C10orf53: variants seen among roughly 807,000 people sequenced by gnomAD.
C10orf53 encodes the protein UPF0728 protein C10orf53.
C10orf53 carries 8 observed loss-of-function variants against 9.4 expected under a neutral mutation model. The observed-to-expected ratio is 0.85, with a 90% CI of 0.50 to 1.53. C10orf53 has a LOEUF of 1.53. Among genes scored for constraint, C10orf53 ranks in the 40% most tolerant of loss-of-function variants. C10orf53 has a pLI of 0.00. For synonymous variants in C10orf53, 48 were observed against 46.0 expected, an observed-to-expected ratio of 1.04 and a Z score of -0.18; for missense variants, 117 against 117.8, an observed-to-expected ratio of 0.99 and a Z score of 0.03.
chr10:49,686,803 C>T (rs904140505), intron 1 of C10orf53, among the ~76,000 whole-genome samples: 4 of 152,158 alleles, frequency 2.6e-5, no homozygotes, highest in African/African-American at 4.8e-5. Flanking sequence ...GAGTGCACAG[C>T]GGGACATAGA....
exon 3 of C10orf53, chr10:49,708,686 A>AGG: frequency 6.4e-7 from 1 of 1,573,650 alleles, no homozygotes; most frequent in Non-Finnish European, 8.6e-7. Flanking sequence ...TGTTTCCAGA[A>AGG]TAAGGGTGAA....
At chr10:49,701,547 G>T (rs147903504), downstream of C10orf53, among the ~76,000 whole-genome samples, 781 of 152,182 alleles carry the variant, frequency 5.1e-3, 8 homozygotes, top group African/African-American at 0.017. Flanking sequence ...ACACAATCAG[G>T]GTACCCCAAA....
At chr10:49,700,234 G>A (rs1382371536), downstream of C10orf53, among the ~76,000 whole-genome samples, 1 of 152,226 alleles carries the variant, frequency 6.6e-6, no homozygotes, top group Non-Finnish European at 1.5e-5. Flanking sequence ...GATTTAATGG[G>A]TCTGGGAGGG....
intron 1 of C10orf53, among the ~76,000 whole-genome samples, chr10:49,691,384 G>C (rs1271927315): frequency 6.6e-6 from 1 of 152,226 alleles, no homozygotes; most frequent in Non-Finnish European, 1.5e-5. Flanking sequence ...GGGTCCAAAA[G>C]TGTCGTGGGC....
At chr10:49,689,533 A>G (rs1269527843) in intron 1 of C10orf53, among the ~76,000 whole-genome samples, 2 of 152,314 alleles carry the variant, frequency 1.3e-5, no homozygotes, top group East Asian at 3.9e-4. Context: ...AAAAGAAAAA[A>G]CAAACCTCAC....
chr10:49,683,857 C>G (rs1423941058), intron 1 of C10orf53, among the ~76,000 whole-genome samples: 1 of 152,150 alleles, frequency 6.6e-6, no homozygotes, highest in Non-Finnish European at 1.5e-5. Context: ...GATTGTGCCA[C>G]TGCATTCCAG....
Position 49,697,425 on chromosome 10 carries a change from G to A in C10orf53, c.*2823G>A, listed in dbSNP as rs572952061. Among the ~76,000 whole-genome samples, 8 of 152,284 alleles carry A rather than the reference G, an allele frequency of 5.3e-5. No homozygotes were observed. Among genetic ancestry groups the A allele is most frequent in the Admixed American group, 6.5e-5 (1 of 15,304 alleles). Reference sequence around the variant, plus strand: ...GCTTCAACGTGCTAGACATTCGGGCGCCTTCATGCTTTTAAAATACCACTG... The same window carrying A: ...GCTTCAACGTGCTAGACATTCGGGCACCTTCATGCTTTTAAAATACCACTG... On this transcript the variant is annotated 3_prime_UTR_variant, in exon 3 of 3. Coordinates refer to ENST00000374111, the MANE Select transcript of C10orf53 (RefSeq NM_001042427.3).
intron 1 of C10orf53, among the ~76,000 whole-genome samples, chr10:49,686,243 A>G (rs4838552): frequency 0.32 from 48,839 of 152,130 alleles, 9,033 homozygotes; most frequent in Non-Finnish European, 0.42. Flanking sequence ...CACTTCCCCA[A>G]TCAATACTCT....
chr10:49,679,931 C>CA (rs1378375641), intron 1 of C10orf53, 137 bp downstream of exon 1: 1 of 774,424 alleles, frequency 1.3e-6, no homozygotes, highest in African/African-American at 1.9e-5. Context: ...GATGATGTTG[C>CA]AACCTATGGC....
chr10:49,698,645 A>G (rs1840656164), downstream of C10orf53, among the ~76,000 whole-genome samples: 1 of 152,208 alleles, frequency 6.6e-6, no homozygotes, highest in African/African-American at 2.4e-5. Context: ...GTGCTAGCCC[A>G]GGTCTCGGGC....
chr10:49,699,465 G>A (rs1840664638), downstream of C10orf53, among the ~76,000 whole-genome samples: 1 of 151,854 alleles, frequency 6.6e-6, no homozygotes, highest in African/African-American at 2.4e-5. Flanking sequence ...AAAGTGCCGG[G>A]ATTACAGGCA....
At chr10:49,698,115 A>C (rs1840651425), downstream of C10orf53, among the ~76,000 whole-genome samples, 1 of 151,920 alleles carries the variant, frequency 6.6e-6, no homozygotes, top group African/African-American at 2.4e-5. Flanking sequence ...ACACAGTGAG[A>C]CCTCATCTCT....
At chr10:49,682,131 TG>T (rs779761860) in intron 1 of C10orf53, among the ~76,000 whole-genome samples, 2 of 152,218 alleles carry the variant, frequency 1.3e-5, no homozygotes, top group Non-Finnish European at 2.9e-5. Context: ...ATTTTAACCA[TG>T]TTAAGCATAC....
At position 49,679,673 on chromosome 10, in the gene C10orf53, C is replaced by T. The variant is rs1469252073; in HGVS notation, c.-25C>T. ...CTTAGCAGCGTGTGTTTCTCCCTTGCCTCTGCGGCGGCGGAGGCCTGGCGA... is the reference window on the plus strand; with the variant it reads ...CTTAGCAGCGTGTGTTTCTCCCTTGTCTCTGCGGCGGCGGAGGCCTGGCGA... On this transcript the variant is annotated 5_prime_UTR_variant, in exon 1 of 3. Transcript: ENST00000374111. 1.9e-6 allele frequency: 3 copies of T among 1,543,504 alleles called. No homozygotes were observed. Among genetic ancestry groups the T allele is most frequent in the Non-Finnish European group, 2.6e-6 (3 of 1,143,814 alleles).
chr10:49,705,997 A>C (rs1840719808), intron 2 of C10orf53, among the ~76,000 whole-genome samples: 1 of 152,254 alleles, frequency 6.6e-6, no homozygotes, highest in Admixed American at 6.5e-5. Flanking sequence ...TACGACAAGC[A>C]CAGGAAAAGA....
downstream of C10orf53, among the ~76,000 whole-genome samples, chr10:49,699,433 A>T (rs138394620): frequency 4.1e-3 from 621 of 151,980 alleles, 4 homozygotes; most frequent in Non-Finnish European, 7.4e-3. Flanking sequence ...GGGCTCAAGC[A>T]ATCCTCCTGC....
rs1002873562 is a variant in C10orf53, at chr10:49,696,238, T to G, written c.*1636T>G. Among the ~76,000 whole-genome samples the G allele has an allele frequency of 6.6e-6, 1 of 152,234 alleles. No individual in the cohort carries two copies. The highest frequency in any genetic ancestry group is 1.5e-5 in the Non-Finnish European group (1 of 68,052). On this transcript the variant is annotated 3_prime_UTR_variant, in exon 3 of 3. Coordinates refer to ENST00000374111, the MANE Select transcript of C10orf53 (RefSeq NM_001042427.3). Reference sequence around the variant, plus strand: ...CTTTTTTTAAACGTAACATTTTACATAGAGCCTCTTCCCGCATGATTTGTT... The same window carrying G: ...CTTTTTTTAAACGTAACATTTTACAGAGAGCCTCTTCCCGCATGATTTGTT...
At chr10:49,707,887 A>C (rs1168505562) in intron 2 of C10orf53, among the ~76,000 whole-genome samples, 4 of 151,964 alleles carry the variant, frequency 2.6e-5, no homozygotes, top group Non-Finnish European at 4.4e-5. Context: ...AAAAAAAAAA[A>C]CCCATTGACC....
At chr10:49,710,009 GTGTGTCTGTGTGTC>G (rs1840754687) in exon 3 of C10orf53, 1 of 129,578 alleles carries the variant, frequency 7.7e-6, no homozygotes, top group African/African-American at 2.9e-5. Context: ...GTCTGTGTGT[GTGTGTCTGTGTGTC>G]TTGGGAGGGT....
Sources: allele counts gnomAD v4.1 joint callset (sites outside exome capture counted in the v4.1 genomes callset), GRCh38; gene constraint gnomAD v4.1.1; transcripts MANE v1.5; gene names NCBI Gene and HGNC (gene_info 2026-07-23, HGNC 2026-07-21).